Variants in SORT1 observed in about 807,000 individuals in gnomAD.
The protein encoded by SORT1 is sortilin.
In SORT1, 39 loss-of-function variants were observed where a neutral mutation model predicts 101.7. The observed-to-expected ratio is 0.38, with a 90% CI of 0.30 to 0.50. The LOEUF is 0.50. SORT1 is among the 20% of genes least tolerant of loss of function. The pLI is 0.90. For missense variants in SORT1, 878 were observed against 1,040.4 expected (o/e 0.84, Z 2.15); for synonymous variants, 396 against 393.7 (o/e 1.01, Z -0.07).
intron 15 of SORT1, among the ~76,000 whole-genome samples, chr1:109,320,187 T>C (rs1465582679): frequency 6.6e-6 from 1 of 152,204 alleles, no homozygotes; most frequent in African/African-American, 2.4e-5. Flanking sequence ...TGATCACAAC[T>C]ATTTTTGGTT....
chr1:109,355,358 G>A lies in SORT1; in HGVS notation c.543+9C>T. The A allele has an allele frequency of 2.1e-6, 3 of 1,417,872 alleles. No individual in the cohort carries two copies. The highest frequency in any genetic ancestry group is 1.4e-5 in the African/African-American group (1 of 71,250). The allele number at this position is 1,417,872 out of a possible 1,614,324, so 87.8% of individuals were successfully genotyped here. ...GCACAAGCTTTATGTATACAAGAAT[G>A]AGTCTCACCTTTCCAGAGTTCTCAG... On this transcript the variant is annotated intron_variant, in intron 4 of 19. Coordinates refer to ENST00000256637, the MANE Select transcript of SORT1 (RefSeq NM_002959.7).
intron 3 of SORT1, among the ~76,000 whole-genome samples, chr1:109,366,269 G>A (rs1651082278): frequency 6.6e-6 from 1 of 152,066 alleles, no homozygotes; most frequent in Non-Finnish European, 1.5e-5. Context: ...CACCATCATC[G>A]CCAGTGTGAA....
intron 11 of SORT1, among the ~76,000 whole-genome samples, chr1:109,331,287 A>G (rs1400218443): frequency 2.0e-5 from 3 of 152,230 alleles, no homozygotes; most frequent in Admixed American, 1.3e-4. Context: ...AGTAGGATCT[A>G]TCTGTGGAAT....
intron 2 of SORT1, among the ~76,000 whole-genome samples, chr1:109,368,021 C>A (rs1220024381): frequency 2.6e-5 from 4 of 152,036 alleles, no homozygotes; most frequent in African/African-American, 9.7e-5. Flanking sequence ...TGGCTGGGCA[C>A]GGTGGCTCAC....
chr1:109,325,160 G>T lies in SORT1; in HGVS notation c.1644-71C>A. 3.0e-6 allele frequency: 3 copies of T among 990,816 alleles called. No homozygotes were observed. In the South Asian group the frequency reaches 6.5e-5, roughly 22 times the overall value. 61.4% of individuals were successfully genotyped at this position (990,816 alleles called of 1,614,324 possible). On this transcript the variant is annotated intron_variant, in intron 13 of 19. Transcript: ENST00000256637. ...ACTGGGAATTCAGAAAACCACTCTG[G>T]CTTTTTGATCCCAAACCAGACAAAA...
chr1:109,397,614 G>A lies in SORT1; in HGVS notation c.279C>T (p.Val93=), dbSNP rs1653272292. The A allele has an allele frequency of 1.6e-6, 2 of 1,284,816 alleles. No homozygotes were observed. Among genetic ancestry groups the A allele is most frequent in the Non-Finnish European group, 2.0e-6 (2 of 1,003,192 alleles). The allele number at this position is 1,284,816 out of a possible 1,614,324, so 79.6% of individuals were successfully genotyped here. A position where few individuals can be genotyped will look rare whatever the true frequency, so the allele number is the denominator to read the frequency against. ...DEECGRVRDF[V]AKLANNTHQH... Reference sequence around the variant, plus strand: ...GGTGCGTGTTGTTGGCCAGCTTGGCGACGAAGTCCCGGACCCGGCCGCACT... The same window carrying A: ...GGTGCGTGTTGTTGGCCAGCTTGGCAACGAAGTCCCGGACCCGGCCGCACT... The change falls in exon 1 of 20, where the codon GTC becomes GTT. Residue 93 remains valine, a synonymous_variant. Coordinates refer to ENST00000256637, the MANE Select transcript of SORT1 (RefSeq NM_002959.7).
rs1333160608 is a variant in SORT1 at position 109,397,581 on chromosome 1, G to A, written c.306+6C>T. 2.5e-6 allele frequency: 3 copies of A among 1,212,196 alleles called. No individual in the cohort carries two copies. The highest frequency in any genetic ancestry group is 4.0e-5 in the South Asian group (2 of 49,714). The allele number at this position is 1,212,196 out of a possible 1,614,324, so 75.1% of individuals were successfully genotyped here. A position where few individuals can be genotyped will look rare whatever the true frequency, so the allele number is the denominator to read the frequency against. ...CGAGCGGCTCCCGGGCCCGGCGCCC[G>A]CTCACCTGGTGCGTGTTGTTGGCCA... On this transcript the variant is annotated splice_donor_region_variant and intron_variant, in intron 1 of 19. Transcript: ENST00000256637.
intron 6 of SORT1, 123 bp from the exon 7 acceptor site, chr1:109,347,655 C>G (rs1649690229): frequency 1.5e-6 from 1 of 656,436 alleles, no homozygotes; most frequent in African/African-American, 1.8e-5. Flanking sequence ...ACAAGCACCA[C>G]TTCTCAGGCG....
Position 109,321,709 on chromosome 1 carries a change from T to G in SORT1, c.2024+1223A>C, listed in dbSNP as rs573981006. On this transcript the variant is annotated intron_variant, in intron 15 of 19. Transcript: ENST00000256637. ...TAAAGGGCCATGGCTGCTATCTGCC[T>G]GCCTTCTTTGTCCAAATCCTTTAGG... is the stretch of plus-strand genomic sequence containing the variant. 1.5e-4 allele frequency among the ~76,000 whole-genome samples: 23 copies of G among 152,368 alleles called. 1 individual carries two copies. The highest frequency in any genetic ancestry group is 5.5e-4 in the African/African-American group (23 of 41,596).
chr1:109,378,829 T>C (rs1035662417), intron 1 of SORT1, among the ~76,000 whole-genome samples: 18 of 145,890 alleles, frequency 1.2e-4, no homozygotes, highest in Non-Finnish European at 2.1e-4. Flanking sequence ...GTGAAGCATG[T>C]TTTGTTTCTG....
At chr1:109,328,369 G>C (rs996243107) in intron 11 of SORT1, among the ~76,000 whole-genome samples, 4 of 152,116 alleles carry the variant, frequency 2.6e-5, no homozygotes, top group Admixed American at 2.6e-4. Context: ...GTGCACCAGG[G>C]CTCCAATTTC....
In SORT1 at chr1:109,323,128, G is replaced by A. The variant is rs751236929; in HGVS notation, c.1835-7C>T. 6.2e-7 allele frequency: 1 copy of A among 1,609,752 alleles called. No homozygotes were observed. Among genetic ancestry groups the A allele is most frequent in the Non-Finnish European group, 8.5e-7 (1 of 1,176,206 alleles). Reference sequence around the variant, plus strand: ...GTATAGTCCTTCTCTTCACCTAAAGGAGAGACACACTGTTCAGGAAAGTAC... The same window carrying A: ...GTATAGTCCTTCTCTTCACCTAAAGAAGAGACACACTGTTCAGGAAAGTAC... On this transcript the variant is annotated splice_polypyrimidine_tract_variant and splice_region_variant and intron_variant, in intron 14 of 19. Coordinates refer to ENST00000256637, the MANE Select transcript of SORT1 (RefSeq NM_002959.7).
chr1:109,322,836 G>A lies in SORT1; in HGVS notation c.2024+96C>T, dbSNP rs1414398222. The A allele has an allele frequency of 1.4e-5, 14 of 1,018,184 alleles. 1 individual carries two copies. The highest frequency in any genetic ancestry group is 8.0e-5 in the South Asian group (5 of 62,564). The allele number at this position is 1,018,184 out of a possible 1,614,324, so 63.1% of individuals were successfully genotyped here. On this transcript the variant is annotated intron_variant, in intron 15 of 19. Coordinates refer to ENST00000256637, the MANE Select transcript of SORT1 (RefSeq NM_002959.7). Reference sequence around the variant, plus strand: ...ATTACAGGTGTGAGCCACCGCACCCGGCTGGATTTCAATATTTGTTAGCCC... The same window carrying A: ...ATTACAGGTGTGAGCCACCGCACCCAGCTGGATTTCAATATTTGTTAGCCC...
At chr1:109,332,470 G>C (rs1483985323) in intron 11 of SORT1, among the ~76,000 whole-genome samples, 2 of 152,076 alleles carry the variant, frequency 1.3e-5, no homozygotes, top group Admixed American at 1.3e-4. Flanking sequence ...TAGCTACTTG[G>C]GACGTGGGAG....
At chr1:109,338,778 G>C (rs548672131) in intron 10 of SORT1, among the ~76,000 whole-genome samples, 1 of 151,976 alleles carries the variant, frequency 6.6e-6, no homozygotes, top group East Asian at 1.9e-4. Flanking sequence ...AATTTGCATG[G>C]GTTTGGTCTG....
chr1:109,389,121 A>G (rs1652751270), intron 1 of SORT1, among the ~76,000 whole-genome samples: 2 of 152,320 alleles, frequency 1.3e-5, no homozygotes, highest in South Asian at 4.1e-4. Flanking sequence ...GGCTGTATCT[A>G]TCAGGATCAC....
chr1:109,318,446 C>T (rs796459889), intron 15 of SORT1, among the ~76,000 whole-genome samples: 2 of 151,788 alleles, frequency 1.3e-5, no homozygotes, highest in Admixed American at 6.6e-5. Flanking sequence ...CACCGTGCCC[C>T]GCCAGAGAGG....
chr1:109,336,190 G>T, intron 11 of SORT1, 50 bp downstream of exon 11: 1 of 1,148,422 alleles, frequency 8.7e-7, no homozygotes, highest in Non-Finnish European at 1.3e-6. Context: ...GCACTGATCA[G>T]AGCACAATGG....
At chr1:109,383,996 G>T (rs990704212) in intron 1 of SORT1, among the ~76,000 whole-genome samples, 5 of 152,132 alleles carry the variant, frequency 3.3e-5, no homozygotes, top group African/African-American at 4.8e-5. Flanking sequence ...ACCGAAGTGC[G>T]GGGGCTAGAA....
Sources: allele counts gnomAD v4.1 joint callset (sites outside exome capture counted in the v4.1 genomes callset), GRCh38; gene constraint gnomAD v4.1.1; transcripts MANE v1.5; gene names NCBI Gene and HGNC (gene_info 2026-07-23, HGNC 2026-07-21).